Variants in CCN4 observed in about 807,000 individuals in gnomAD.
CCN4 encodes the protein CCN family member 4.
In CCN4, 30 loss-of-function variants were observed where a neutral mutation model predicts 36.7. The ratio of observed to expected loss-of-function variants is 0.82; its 90% CI spans 0.61 to 1.11. The LOEUF is 1.11. Ranked by LOEUF, CCN4 falls within the 50% of genes least tolerant of loss-of-function variation. The pLI is 0.00. For missense variants in CCN4, 505 were observed against 504.9 expected, an observed-to-expected ratio of 1.00 and a Z score of 0.00; for synonymous variants, 191 against 195.4, an observed-to-expected ratio of 0.98 and a Z score of 0.19.
Position 133,212,853 on chromosome 8 carries a change from T to TC in CCN4, c.70-5dup. On this transcript the variant is annotated splice_polypyrimidine_tract_variant and intron_variant, in intron 1 of 4. Transcript: ENST00000250160. ...CAGCAGCCCCCCTTTCCCTCTGCCCTCCCCCCGCAGGCCCTCTCTCCAGCC... is the reference window on the plus strand; with the variant it reads ...CAGCAGCCCCCCTTTCCCTCTGCCCTCCCCCCCGCAGGCCCTCTCTCCAGCC... 4 of 1,523,790 alleles carry TC rather than the reference T, an allele frequency of 2.6e-6. No individual in the cohort carries two copies. Among genetic ancestry groups the TC allele is most frequent in the South Asian group, 1.2e-5 (1 of 80,126 alleles). The allele number at this position is 1,523,790 out of a possible 1,614,324, so 94.4% of individuals were successfully genotyped here.
chr8:133,223,583 T>C (rs960231578), intron 3 of CCN4, among the ~76,000 whole-genome samples: 2 of 152,084 alleles, frequency 1.3e-5, no homozygotes, highest in Non-Finnish European at 2.9e-5. Context: ...TGCCTCTCTT[T>C]CCCTCCCTTC....
chr8:133,213,268 C>G, intron 2 of CCN4, 125 bp downstream of exon 2: 1 of 1,211,270 alleles, frequency 8.3e-7, no homozygotes, highest in Non-Finnish European at 1.2e-6. Flanking sequence ...AGGAGATACA[C>G]CCCATGATCA....
chr8:133,202,779 A>G lies in CCN4; in HGVS notation c.70-10085A>G, dbSNP rs1234475834. On this transcript the variant is annotated intron_variant, in intron 1 of 4. Coordinates refer to ENST00000250160, the MANE Select transcript of CCN4 (RefSeq NM_003882.4). ...ACCCAGGACCACTGTCCCAGGCCCCACTTGAAGGGGAGCCCCCACCAGGGC... is the reference window on the plus strand; with the variant it reads ...ACCCAGGACCACTGTCCCAGGCCCCGCTTGAAGGGGAGCCCCCACCAGGGC... Among the ~76,000 whole-genome samples the G allele has an allele frequency of 2.0e-5, 3 of 152,176 alleles. No individual in the cohort carries two copies. The East Asian group carries it at 5.8e-4, about 29-fold the overall frequency.
rs1254045835 is a variant in CCN4, at chr8:133,230,656, C to T, written c.*2946C>T. 1 of 152,162 alleles carries T rather than the reference C, an allele frequency of 6.6e-6. No individual in the cohort carries two copies. The highest frequency in any genetic ancestry group is 1.5e-5 in the Non-Finnish European group (1 of 68,038). The allele number at this position is 152,162 out of a possible 1,614,324, so 9.4% of individuals were successfully genotyped here. A position where few individuals can be genotyped will look rare whatever the true frequency, so the allele number is the denominator to read the frequency against. ...ATGTTCTGAGACAAAGGAAAGCTAC[C>T]CTAAGGGTTAGTTAACCTTTGCTGA... On this transcript the variant is annotated 3_prime_UTR_variant, in exon 5 of 5. Transcript: ENST00000250160.
intron 1 of CCN4, among the ~76,000 whole-genome samples, chr8:133,199,832 G>A (rs1435650522): frequency 6.6e-6 from 1 of 152,164 alleles, no homozygotes; most frequent in African/African-American, 2.4e-5. Context: ...CCCTTGTTGG[G>A]CCCTTAGTGT....
chr8:133,195,208 TG>T (rs1853333764), intron 1 of CCN4, among the ~76,000 whole-genome samples: 1 of 147,894 alleles, frequency 6.8e-6, no homozygotes, highest in African/African-American at 2.5e-5. Flanking sequence ...GGTGTGTGTA[TG>T]GTGTGTGTAT....
At chr8:133,218,374 G>T (rs1854402640) in intron 2 of CCN4, among the ~76,000 whole-genome samples, 1 of 152,076 alleles carries the variant, frequency 6.6e-6, no homozygotes, top group Non-Finnish European at 1.5e-5. Flanking sequence ...CCGCAGCAAG[G>T]TTCACACAAA....
rs772417644 is a variant in CCN4, at chr8:133,225,596, C to T, written c.804+13C>T. The T allele has an allele frequency of 6.4e-7, 1 of 1,565,268 alleles. No homozygotes were observed. Among genetic ancestry groups the T allele is most frequent in the South Asian group, 1.2e-5 (1 of 84,596 alleles). On this transcript the variant is annotated intron_variant, in intron 4 of 4. Coordinates refer to ENST00000250160, the MANE Select transcript of CCN4 (RefSeq NM_003882.4). ...TACACTCATTAAGGTGGGTCCAGAG[C>T]AGGTGTGGATGTCTAGACTTCACAA...
intron 1 of CCN4, among the ~76,000 whole-genome samples, chr8:133,203,039 T>C (rs1285360118): frequency 6.6e-6 from 1 of 152,218 alleles, no homozygotes; most frequent in Non-Finnish European, 1.5e-5. Flanking sequence ...CGGGCCCAGC[T>C]AGGGCCGGCT....
At chr8:133,216,518 G>C (rs1854327004) in intron 2 of CCN4, among the ~76,000 whole-genome samples, 1 of 152,170 alleles carries the variant, frequency 6.6e-6, no homozygotes, top group Non-Finnish European at 1.5e-5. Flanking sequence ...ATAGATTTGT[G>C]TATGATTTGT....
chr8:133,193,103 C>T (rs1395423413), intron 1 of CCN4, among the ~76,000 whole-genome samples: 1 of 152,192 alleles, frequency 6.6e-6, no homozygotes, highest in African/African-American at 2.4e-5. Context: ...GGCTGTGAGA[C>T]TGATAGAAAC....
chr8:133,195,472 T>C (rs1054328416), intron 1 of CCN4, among the ~76,000 whole-genome samples: 15 of 152,090 alleles, frequency 9.9e-5, no homozygotes, highest in African/African-American at 2.9e-4. Context: ...TCACACCTCC[T>C]GTTTAGAGTT....
chr8:133,225,910 C>G (rs939441339), intron 4 of CCN4, among the ~76,000 whole-genome samples: 2 of 152,132 alleles, frequency 1.3e-5, no homozygotes, highest in African/African-American at 4.8e-5. Context: ...CCTGTGCCAG[C>G]CCACCCCCAC....
At chr8:133,203,703 G>C (rs753722) in intron 1 of CCN4, among the ~76,000 whole-genome samples, 42,676 of 151,964 alleles carry the variant, frequency 0.28, 6,441 homozygotes, top group East Asian at 0.52. Flanking sequence ...TGCAGATGAC[G>C]TGCCCTTTCT....
rs547479116 is a variant in CCN4, at chr8:133,202,939, G to C, written c.70-9925G>C. On this transcript the variant is annotated intron_variant, in intron 1 of 4. Coordinates refer to ENST00000250160, the MANE Select transcript of CCN4 (RefSeq NM_003882.4). ...GAAGACATGGGCACCGGCCAGGCCT[G>C]TATTCTCTCACGGTCCCCAGGGCTT... Among the ~76,000 whole-genome samples the C allele has an allele frequency of 2.7e-3, 413 of 152,356 alleles. 1 individual carries two copies. Among genetic ancestry groups the C allele is most frequent in the African/African-American group, 9.2e-3 (384 of 41,582 alleles).
In CCN4 at chr8:133,191,204, C is replaced by A. The variant is rs1456034169; in HGVS notation, c.60C>A (p.Val20=). ...AAVTAAAAST[V]LATALSPAPT... is the part of the protein sequence containing the mutation. ...TGACAGCAGCAGCCGCCAGCACCGT[C>A]CTGGCCACGGTGAGTCCTGCCTGGA... Residue 20 remains valine (V), a synonymous_variant, in exon 1 of 5, where the codon GTC becomes GTA. Coordinates refer to ENST00000250160, the MANE Select transcript of CCN4 (RefSeq NM_003882.4). 8 of 1,606,194 alleles carry A rather than the reference C, an allele frequency of 5.0e-6. No homozygotes were observed. The South Asian group carries it at 8.8e-5, about 18-fold the overall frequency.
chr8:133,220,709 G>T lies in CCN4; in HGVS notation c.478G>T (p.Val160Leu). The change falls in exon 3 of 5, where the codon GTG (valine) becomes TTG (leucine). Residue 160 changes from valine (V) to leucine (L), a missense_variant. By Grantham distance (32) the Val-to-Leu change is conservative. Transcript: ENST00000250160. The part of the protein sequence containing the change: ...AVGCTPLCLR[V>L]RPPRLWCPHP... ...GGGCTGCACACCACTGTGCCTCCGA[G>T]TGCGCCCCCCGCGTCTCTGGTGCCC... 1 of 1,613,768 alleles carries T rather than the reference G, an allele frequency of 6.2e-7. No homozygotes were observed. The highest frequency in any genetic ancestry group is 8.5e-7 in the Non-Finnish European group (1 of 1,179,940).
chr8:133,218,864 G>C (rs1161778605), intron 2 of CCN4, among the ~76,000 whole-genome samples: 2 of 152,088 alleles, frequency 1.3e-5, no homozygotes, highest in Admixed American at 1.3e-4. Context: ...ACGCATAATG[G>C]AGAACACTTG....
intron 1 of CCN4, among the ~76,000 whole-genome samples, chr8:133,200,954 A>C (rs753786269): frequency 3.3e-5 from 5 of 151,910 alleles, no homozygotes; most frequent in Admixed American, 6.6e-5. Context: ...CCCTCTCATC[A>C]ATTTCCACTC....
Sources: allele counts gnomAD v4.1 joint callset (sites outside exome capture counted in the v4.1 genomes callset), GRCh38; gene constraint gnomAD v4.1.1; transcripts MANE v1.5; gene names NCBI Gene and HGNC (gene_info 2026-07-23, HGNC 2026-07-21).